Variants in KCNK5 observed in about 807,000 individuals in gnomAD.
KCNK5 encodes the protein potassium channel subfamily K member 5.
A neutral mutation model predicts 32.9 loss-of-function variants in KCNK5; 18 were observed. That is an observed-to-expected ratio of 0.55 (90% CI 0.38 to 0.81). KCNK5 has a LOEUF of 0.81. Ranked by LOEUF, KCNK5 falls within the 30% of genes least tolerant of loss-of-function variation. KCNK5 has a pLI of 0.00. For missense variants in KCNK5, 507 were observed against 651.0 expected, an observed-to-expected ratio of 0.78 and a Z score of 2.41; for synonymous variants, 276 against 275.3, an observed-to-expected ratio of 1.00 and a Z score of -0.03.
chr6:39,191,064 G>A lies in KCNK5; in HGVS notation c.1326C>T (p.Asn442=), dbSNP rs751194974. 2 of 1,613,392 alleles carry A rather than the reference G, an allele frequency of 1.2e-6. No homozygotes were observed. The highest frequency in any genetic ancestry group is 8.5e-7 in the Non-Finnish European group (1 of 1,179,738). Residue 442 remains asparagine, a synonymous_variant, in exon 5 of 5, where the codon AAC becomes AAT. Transcript: ENST00000359534. This position sits in a 1 kb window ranked among gnomAD's most constrained non-coding sequence, Gnocchi z 5.8. ...GCTGGGGGCTCTCCTCCCCTGCCAA[G>A]TTGTCCTCTAGCGAGGACTTGGAGG... ...EETSKSSLED[N]LAGEESPQQG...
At chr6:39,206,968 C>T (rs900166794) in intron 1 of KCNK5, among the ~76,000 whole-genome samples, 5 of 152,316 alleles carry the variant, frequency 3.3e-5, no homozygotes, top group Admixed American at 1.3e-4. Flanking sequence ...GGGGAGGACA[C>T]CTCCATTCTG....
At chr6:39,200,059 C>T (rs1212085076) in intron 1 of KCNK5, among the ~76,000 whole-genome samples, 1 of 152,148 alleles carries the variant, frequency 6.6e-6, no homozygotes, top group Non-Finnish European at 1.5e-5. Flanking sequence ...AAAGCTGACC[C>T]AGGACTAAGG....
At chr6:39,223,783 G>A (rs1331804707) in intron 1 of KCNK5, among the ~76,000 whole-genome samples, 1 of 152,166 alleles carries the variant, frequency 6.6e-6, no homozygotes, top group East Asian at 1.9e-4. Flanking sequence ...TTTGGCCCGA[G>A]GTCAGGGCCA....
chr6:39,190,635 T>C lies in KCNK5; in HGVS notation c.*255A>G. 2.6e-6 allele frequency: 1 copy of C among 384,438 alleles called. No individual in the cohort carries two copies. The highest frequency in any genetic ancestry group is 4.0e-5 in the East Asian group (1 of 25,210). The allele number at this position is 384,438 out of a possible 1,614,324, so 23.8% of individuals were successfully genotyped here. A position where few individuals can be genotyped will look rare whatever the true frequency, so the allele number is the denominator to read the frequency against. On this transcript the variant is annotated 3_prime_UTR_variant, in exon 5 of 5. Transcript: ENST00000359534. Reference sequence around the variant, plus strand: ...CCTGTCCCGCCAGCCAGCATGTCTTTGCATTGTGAGATACACCAGCCAAGC... The same window carrying C: ...CCTGTCCCGCCAGCCAGCATGTCTTCGCATTGTGAGATACACCAGCCAAGC...
chr6:39,215,177 G>A (rs1771410139), intron 1 of KCNK5, among the ~76,000 whole-genome samples: 1 of 152,158 alleles, frequency 6.6e-6, no homozygotes, highest in Admixed American at 6.5e-5. Flanking sequence ...AGATGGGGGA[G>A]GTGAGGTGTT....
intron 1 of KCNK5, among the ~76,000 whole-genome samples, chr6:39,221,242 AGTGGCTCCCACAGCCT>A (rs1055797769): frequency 6.6e-6 from 1 of 152,192 alleles, no homozygotes; most frequent in East Asian, 1.9e-4. Context: ...GATGCACATC[AGTGGCTCCCACAGCCT>A]GTGGCCCCCA....
Position 39,190,866 on chromosome 6 carries a change from G to A in KCNK5, c.*24C>T. ...GTGAGGGGGGAAGAGGCCATCAAAG[G>A]TGGGGTGGGGAGCCGGCCCTGCCTC... On this transcript the variant is annotated 3_prime_UTR_variant, in exon 5 of 5. Transcript: ENST00000359534. The A allele has an allele frequency of 6.9e-7, 1 of 1,455,872 alleles. No individual in the cohort carries two copies. The allele number at this position is 1,455,872 out of a possible 1,614,324, so 90.2% of individuals were successfully genotyped here.
At position 39,190,814 on chromosome 6, in the gene KCNK5, G is replaced by A. The variant is rs552306774; in HGVS notation, c.*76C>T. The A allele has an allele frequency of 2.3e-5, 31 of 1,362,904 alleles. No homozygotes were observed. The highest frequency in any genetic ancestry group is 7.3e-5 in the African/African-American group (5 of 68,334). The allele number at this position is 1,362,904 out of a possible 1,614,324, so 84.4% of individuals were successfully genotyped here. ...GCTGCCCCCCCACCAGGGGCCAGGC[G>A]TCCCGGTCATCTCGGGACACCCTAG... On this transcript the variant is annotated 3_prime_UTR_variant, in exon 5 of 5. Coordinates refer to ENST00000359534, the MANE Select transcript of KCNK5 (RefSeq NM_003740.4).
rs139806434 is a variant in KCNK5 at position 39,191,289 on chromosome 6, G to T, written c.1101C>A (p.His367Gln). The T allele has an allele frequency of 6.2e-7, 1 of 1,614,058 alleles. No individual in the cohort carries two copies. Among genetic ancestry groups the T allele is most frequent in the South Asian group, 1.1e-5 (1 of 91,092 alleles). The stretch of plus-strand genomic sequence containing the variant: ...CCTCCTCATCTGGGGACCTTGATAC[G>T]TGGCCTTTGCTCCTCAGTGTCTGTG... ...EVSQTLRSKG[H>Q]VSRSPDEEAV... The change falls in exon 5 of 5, where the codon CAC becomes CAA. Residue 367 changes from histidine to glutamine, a missense_variant. By Grantham distance (24) the His-to-Gln change is conservative (BLOSUM62 0). Coordinates refer to ENST00000359534, the MANE Select transcript of KCNK5 (RefSeq NM_003740.4). This position sits in a 1 kb window ranked among gnomAD's most constrained non-coding sequence, Gnocchi z 5.8.
chr6:39,229,043 G>T lies in KCNK5; in HGVS notation c.69C>A (p.Phe23Leu). The change falls in exon 1 of 5, where the codon TTC (phenylalanine) becomes TTA (leucine). Residue 23 changes from phenylalanine (F) to leucine (L), a missense_variant. Phe to Leu is a conservative substitution (Grantham distance 22). This residue lies in a region of KCNK5 where 143 missense variants were observed against 219.1 expected (regional missense o/e 0.65). Transcript: ENST00000359534. The part of the protein sequence containing the change: ...IFYLAIGAAI[F>L]EVLEEPHWKE... ...TCCAGTGTGGCTCCTCCAGCACTTC[G>T]AAGATCGCCGCCCCGATGGCCAGGT... 1 of 1,614,174 alleles carries T rather than the reference G, an allele frequency of 6.2e-7. No homozygotes were observed.
intron 1 of KCNK5, among the ~76,000 whole-genome samples, chr6:39,217,101 C>T (rs1583718802): frequency 1.6e-5 from 1 of 61,956 alleles, no homozygotes; most frequent in Non-Finnish European, 3.3e-5. Context: ...GCCTGGGCAA[C>T]AAGAGCAAAA....
chr6:39,222,628 A>G (rs948988916), intron 1 of KCNK5, among the ~76,000 whole-genome samples: 6 of 152,182 alleles, frequency 3.9e-5, no homozygotes, highest in Non-Finnish European at 8.8e-5. Context: ...CCCAAGGGCT[A>G]TGGGCAAGAG....
Position 39,191,187 on chromosome 6 carries a change from T to G in KCNK5, c.1203A>C (p.Glu401Asp), listed in dbSNP as rs758918525. ...AGTCCTGGGCGTCCCATGGCTCGCA[T>G]TCCTCGCTGATGCGGTCCAGCTGGT... ...FMNQLDRISE[E>D]CEPWDAQDYH... The change falls in exon 5 of 5, where the codon GAA becomes GAC. Residue 401 changes from glutamate to aspartate, a missense_variant. By Grantham distance (45) the Glu-to-Asp change is conservative (BLOSUM62 2). Coordinates refer to ENST00000359534, the MANE Select transcript of KCNK5 (RefSeq NM_003740.4). The surrounding 1 kb of genome is among the most constrained non-coding windows in gnomAD (Gnocchi z 5.8). 23 of 1,614,040 alleles carry G rather than the reference T, an allele frequency of 1.4e-5. No homozygotes were observed. Among genetic ancestry groups the G allele is most frequent in the Admixed American group, 6.7e-5 (4 of 60,010 alleles).
chr6:39,224,108 C>G (rs964204263), intron 1 of KCNK5, among the ~76,000 whole-genome samples: 2 of 148,904 alleles, frequency 1.3e-5, no homozygotes, highest in African/African-American at 4.9e-5. Context: ...TTTGGCTACC[C>G]TCAACTTTTG....
intron 1 of KCNK5, among the ~76,000 whole-genome samples, chr6:39,209,564 A>C (rs1259073352): frequency 1.3e-5 from 2 of 152,216 alleles, no homozygotes; most frequent in Non-Finnish European, 2.9e-5. Flanking sequence ...CAACTCCCCT[A>C]ACCTGGGGCC....
At chr6:39,206,609 C>A (rs1771230327) in intron 1 of KCNK5, among the ~76,000 whole-genome samples, 1 of 152,182 alleles carries the variant, frequency 6.6e-6, no homozygotes, top group South Asian at 2.1e-4. Context: ...AAACCCAGCT[C>A]TGCACTGGCA....
chr6:39,209,702 A>G (rs1337939058), intron 1 of KCNK5, among the ~76,000 whole-genome samples: 1 of 152,218 alleles, frequency 6.6e-6, no homozygotes, highest in African/African-American at 2.4e-5. Flanking sequence ...TCTCTCCTCC[A>G]CAAGGGCTGG....
At chr6:39,210,587 G>A (rs565597181) in intron 1 of KCNK5, among the ~76,000 whole-genome samples, 247 of 152,348 alleles carry the variant, frequency 1.6e-3, no homozygotes, top group Non-Finnish European at 2.5e-3. Context: ...GTTGCTCAAT[G>A]AAGCTCAAAC....
intron 4 of KCNK5, among the ~76,000 whole-genome samples, chr6:39,192,702 C>G (rs1452873163): frequency 6.6e-6 from 1 of 152,134 alleles, no homozygotes; most frequent in Non-Finnish European, 1.5e-5. Flanking sequence ...GCTCCACATC[C>G]CCCTCCTGCT....
Sources: gnomAD v4.1 joint callset for allele counts (sites outside exome capture counted in the v4.1 genomes callset) on GRCh38, gnomAD v4.1.1 for gene constraint, gnomAD v4.1.1 regional missense constraint, Gnocchi (gnomAD v3.1) non-coding constraint, MANE v1.5 for transcripts, NCBI Gene and HGNC (gene_info 2026-07-23, HGNC 2026-07-21) for gene names.